The following KDM3B variants were observed in gnomAD, a reference collection of about 807,000 sequenced individuals.
KDM3B encodes lysine-specific demethylase 3B.
Under a neutral mutation model 170.0 loss-of-function variants are expected in KDM3B, and 10 were observed. That is an observed-to-expected ratio of 0.06 (90% confidence interval 0.04 to 0.10). The LOEUF is 0.10. KDM3B is among the 10% of genes least tolerant of loss of function. The pLI, the probability that KDM3B is intolerant of heterozygous loss-of-function variation, is 1.00. For synonymous variants in KDM3B, 831 were observed against 834.8 expected (o/e 1.00, Z 0.08); for missense variants, 1,394 against 2,195.2 (o/e 0.64, Z 7.29).
intron 5 of KDM3B, among the ~76,000 whole-genome samples, chr5:138,380,667 G>A (rs972366239): frequency 5.9e-5 from 9 of 152,006 alleles, no homozygotes; most frequent in Non-Finnish European, 1.3e-4. Flanking sequence ...ATAATTGCTA[G>A]GTCAAAGAAT....
Position 138,417,785 on chromosome 5 carries a change from C to G in KDM3B, c.3435+175C>G, listed in dbSNP as rs1763140913. 5.0e-6 allele frequency: 3 copies of G among 597,494 alleles called. No homozygotes were observed. The African/African-American group carries it at 5.6e-5, about 11-fold the overall frequency. 37.0% of individuals were successfully genotyped at this position (597,494 alleles called of 1,614,324 possible). ...CTTTACTCAAAGGATTTTAATTACC[C>G]CTGATTGGTACAGTTTCTCTTCATC... On this transcript the variant is annotated intron_variant, in intron 13 of 23. Coordinates refer to ENST00000314358, the MANE Select transcript of KDM3B (RefSeq NM_016604.4).
chr5:138,358,302 C>CTT lies in KDM3B; in HGVS notation c.192+5317_192+5318dup, dbSNP rs201804669. ...CGGCGGGAATTTTTTTTCTTTCTTT[C>CTT]TTTCTTTTTTTTTTTTTTTTGAGAC... On this transcript the variant is annotated intron_variant, in intron 1 of 23. Transcript: ENST00000314358. Among the ~76,000 whole-genome samples the CTT allele has an allele frequency of 8.0e-3, 881 of 109,732 alleles. 41 individuals are homozygous for CTT. Among genetic ancestry groups the CTT allele is most frequent in the Middle Eastern group, 0.015 (2 of 132 alleles). 72.0% of individuals were successfully genotyped at this position (109,732 alleles called of 152,430 possible).
At chr5:138,410,778 C>T (rs1358217504) in intron 11 of KDM3B, among the ~76,000 whole-genome samples, 1 of 152,236 alleles carries the variant, frequency 6.6e-6, no homozygotes, top group Non-Finnish European at 1.5e-5. Flanking sequence ...GGACAGGGGG[C>T]CCTTCCCTGC....
rs758656087 is a variant in KDM3B at position 138,430,244 on chromosome 5, T to G, written c.4894-5T>G. 2 of 1,611,730 alleles carry G rather than the reference T, an allele frequency of 1.2e-6. No individual in the cohort carries two copies. The highest frequency in any genetic ancestry group is 2.7e-5 in the African/African-American group (2 of 74,858). On this transcript the variant is annotated splice_polypyrimidine_tract_variant and splice_region_variant and intron_variant, in intron 21 of 23. Coordinates refer to ENST00000314358, the MANE Select transcript of KDM3B (RefSeq NM_016604.4). ...TCCCATCTTTGGATTTGATTATGGC[T>G]TCAGGTTGGAGAAGAACAAGGCCAA...
intron 12 of KDM3B, among the ~76,000 whole-genome samples, chr5:138,415,745 G>A (rs1346217954): frequency 6.6e-6 from 1 of 151,882 alleles, no homozygotes; most frequent in Non-Finnish European, 1.5e-5. Context: ...CCACCGTGCT[G>A]AGCCAAATTT....
In KDM3B at chr5:138,397,322, G is replaced by A. The variant is rs1762573657; in HGVS notation, c.2832-856G>A. 4.6e-5 allele frequency among the ~76,000 whole-genome samples: 7 copies of A among 151,346 alleles called. No homozygotes were observed. In the Middle Eastern group the frequency reaches 0.014, roughly 296 times the overall value. On this transcript the variant is annotated intron_variant, in intron 9 of 23. Transcript: ENST00000314358. ...TGCACTCCATCCTGGGTGGCAGAGC[G>A]AGACTCTGTCTCAAAAAAAAACTAA...
At chr5:138,376,567 C>G (rs1403111815) in intron 3 of KDM3B, among the ~76,000 whole-genome samples, 1 of 151,680 alleles carries the variant, frequency 6.6e-6, no homozygotes. Context: ...AGCTGGGTGT[C>G]GTGGTGGACG....
At chr5:138,410,992 G>A (rs994482120) in intron 11 of KDM3B, among the ~76,000 whole-genome samples, 2 of 152,160 alleles carry the variant, frequency 1.3e-5, no homozygotes, top group African/African-American at 2.4e-5. Flanking sequence ...TTAGGCCTCC[G>A]GATAACTGCG....
At chr5:138,379,532 A>G (rs1391187064) in intron 4 of KDM3B, 52 bp from the exon 5 acceptor site, 1 of 1,539,282 alleles carries the variant, frequency 6.5e-7, no homozygotes, top group African/African-American at 1.4e-5. Context: ...AGGAACAATT[A>G]TGAAATATAG....
intron 11 of KDM3B, among the ~76,000 whole-genome samples, chr5:138,406,789 G>A (rs891087326): frequency 5.3e-5 from 8 of 152,074 alleles, no homozygotes; most frequent in Non-Finnish European, 1.2e-4. Context: ...GCACAGTGGC[G>A]TGTGCCTATA....
At chr5:138,385,392 C>A (rs1234902224) in intron 6 of KDM3B, among the ~76,000 whole-genome samples, 1 of 152,178 alleles carries the variant, frequency 6.6e-6, no homozygotes, top group Non-Finnish European at 1.5e-5. Context: ...GCCACCACAC[C>A]CAGCTAATTT....
At position 138,353,003 on chromosome 5, in the gene KDM3B, G is replaced by C. The variant is rs1248420324; in HGVS notation, c.192+16G>C. 2 of 1,220,484 alleles carry C rather than the reference G, an allele frequency of 1.6e-6. No homozygotes were observed. The highest frequency in any genetic ancestry group is 2.0e-6 in the Non-Finnish European group (2 of 980,788). 75.6% of individuals were successfully genotyped at this position (1,220,484 alleles called of 1,614,324 possible). A position where few individuals can be genotyped will look rare whatever the true frequency, so the allele number is the denominator to read the frequency against. Reference sequence around the variant, plus strand: ...GGACCTAGCGGTGAGTGGCGGCCGAGTCGGGCACTCGAGGCCGGGGCTGCG... The same window carrying C: ...GGACCTAGCGGTGAGTGGCGGCCGACTCGGGCACTCGAGGCCGGGGCTGCG... On this transcript the variant is annotated intron_variant, in intron 1 of 23. Transcript: ENST00000314358.
intron 23 of KDM3B, among the ~76,000 whole-genome samples, chr5:138,434,308 G>A (rs1763618070): frequency 2.0e-5 from 3 of 152,222 alleles, no homozygotes; most frequent in Admixed American, 6.5e-5. Context: ...CCAACACTTT[G>A]GGAGGCCGAG....
intron 23 of KDM3B, among the ~76,000 whole-genome samples, chr5:138,433,329 G>A (rs1413572930): frequency 3.3e-5 from 5 of 150,612 alleles, no homozygotes. Context: ...GGCCAGGCAG[G>A]TCTTGAACTC....
chr5:138,416,645 A>G (rs1763114707), intron 12 of KDM3B, among the ~76,000 whole-genome samples: 1 of 151,082 alleles, frequency 6.6e-6, no homozygotes, highest in African/African-American at 2.4e-5. Context: ...TTGCTGGAGC[A>G]TCCCCTGGAT....
chr5:138,384,576 A>G (rs1474583521), intron 6 of KDM3B, among the ~76,000 whole-genome samples: 1 of 151,628 alleles, frequency 6.6e-6, no homozygotes, highest in Non-Finnish European at 1.5e-5. Context: ...TGTCTCTACT[A>G]AAAATACAAA....
Position 138,386,301 on chromosome 5 carries a change from A to G in KDM3B, c.1060A>G (p.Ile354Val), listed in dbSNP as rs200556196. 3.3e-4 allele frequency: 531 copies of G among 1,614,108 alleles called. No homozygotes were observed. The highest frequency in any genetic ancestry group is 4.3e-4 in the Non-Finnish European group (510 of 1,180,050). ...STFVPQINRN[I>V]RFATYTKENG... ...ATTTGTCCCCCAGATAAACCGCAAC[A>G]TTCGCTTTGCCACTTACACCAAAGA... The change falls in exon 7 of 24, where the codon ATT becomes GTT. Residue 354 changes from isoleucine to valine, a missense_variant. Around this residue, in one of 19 missense-constraint regions of KDM3B, gnomAD observed 205 missense variants for 227.6 expected, o/e 0.90. Transcript: ENST00000314358.
chr5:138,379,523 G>A (rs928915566), intron 4 of KDM3B, 61 bp from the exon 5 acceptor site: 15 of 1,506,902 alleles, frequency 1.0e-5, no homozygotes. Context: ...TTGGCTTTTA[G>A]GAACAATTAT....
chr5:138,371,322 G>T (rs575025339), intron 1 of KDM3B, among the ~76,000 whole-genome samples: 1 of 151,906 alleles, frequency 6.6e-6, no homozygotes, highest in East Asian at 1.9e-4. Flanking sequence ...ACCTGGACAT[G>T]GTAGTGTGTG....
Sources: gnomAD v4.1 joint callset for allele counts (sites outside exome capture counted in the v4.1 genomes callset) on GRCh38, gnomAD v4.1.1 for gene constraint, gnomAD v4.1.1 regional missense constraint, MANE v1.5 for transcripts, NCBI Gene and HGNC (gene_info 2026-07-23, HGNC 2026-07-21) for gene names.